Variants in BRINP2 observed in about 807,000 individuals in gnomAD.
BRINP2 encodes BMP/retinoic acid-inducible neural-specific protein 2.
Under a neutral mutation model 69.2 loss-of-function variants are expected in BRINP2, and 21 were observed. That is an observed-to-expected ratio of 0.30 (90% CI 0.22 to 0.44). The LOEUF (loss-of-function observed/expected upper bound fraction) is 0.44. Among genes scored for constraint, BRINP2 ranks in the 20% least tolerant of loss-of-function variants. The pLI is 1.00. For synonymous variants in BRINP2, 380 were observed against 394.1 expected, an observed-to-expected ratio of 0.96 and a Z score of 0.42; for missense variants, 877 against 986.0, an observed-to-expected ratio of 0.89 and a Z score of 1.48.
intron 6 of BRINP2, 151 bp from the exon 7 acceptor site, chr1:177,278,412 T>G: frequency 1.4e-6 from 1 of 720,524 alleles, no homozygotes; most frequent in Non-Finnish European, 2.4e-6. Flanking sequence ...AGGTGTTGAT[T>G]TTTTTAAAAA....
At chr1:177,205,493 G>A (rs1255871808) in intron 1 of BRINP2, among the ~76,000 whole-genome samples, 1 of 152,170 alleles carries the variant, frequency 6.6e-6, no homozygotes, top group Non-Finnish European at 1.5e-5. Flanking sequence ...CGCAAGTAAA[G>A]ATCAGCTTCA....
chr1:177,268,414 G>T (rs1221124882), intron 4 of BRINP2, among the ~76,000 whole-genome samples: 1 of 152,134 alleles, frequency 6.6e-6, no homozygotes. Context: ...GAGTTGGGAT[G>T]GGGTATTCTG....
chr1:177,201,548 G>C (rs1571894890), intron 1 of BRINP2, among the ~76,000 whole-genome samples: 1 of 152,050 alleles, frequency 6.6e-6, no homozygotes. Context: ...AAAATTTTTT[G>C]CTTGAAGAAT....
In BRINP2 at chr1:177,199,723, T is replaced by C. The variant is rs1213211143; in HGVS notation, c.-77+27991T>C. Among the ~76,000 whole-genome samples, 4 of 152,330 alleles carry C rather than the reference T, an allele frequency of 2.6e-5. No individual in the cohort carries two copies. In the East Asian group the frequency reaches 7.7e-4, roughly 29 times the overall value. ...TCAAGCACGTCCCAAGATTGTTTTG[T>C]TGATGTACAAAAGCAGGACAGGAAA... On this transcript the variant is annotated intron_variant, in intron 1 of 7. Transcript: ENST00000361539.
chr1:177,207,775 A>G (rs953697729), intron 1 of BRINP2, among the ~76,000 whole-genome samples: 1 of 152,114 alleles, frequency 6.6e-6, no homozygotes, highest in African/African-American at 2.4e-5. Flanking sequence ...GCTCCCTCAA[A>G]AAAGGCTGGT....
At chr1:177,209,777 G>T (rs1401435708) in intron 1 of BRINP2, among the ~76,000 whole-genome samples, 2 of 152,002 alleles carry the variant, frequency 1.3e-5, no homozygotes, top group African/African-American at 4.8e-5. Context: ...GAAAAAAAAT[G>T]GAGATAAAAG....
chr1:177,216,039 T>C (rs756712411), intron 1 of BRINP2, among the ~76,000 whole-genome samples: 2 of 152,094 alleles, frequency 1.3e-5, no homozygotes, highest in East Asian at 1.9e-4. Context: ...GTACAGCATA[T>C]ACTTGGACCT....
intron 2 of BRINP2, among the ~76,000 whole-genome samples, chr1:177,241,615 CAT>C (rs1329243602): frequency 1.3e-5 from 2 of 152,144 alleles, no homozygotes; most frequent in African/African-American, 4.8e-5. Flanking sequence ...TTTATTTTGA[CAT>C]AAGGTTTTCT....
chr1:177,216,692 A>G (rs2102314850), intron 1 of BRINP2, among the ~76,000 whole-genome samples: 1 of 151,546 alleles, frequency 6.6e-6, no homozygotes, highest in East Asian at 1.9e-4. Flanking sequence ...TGATAAACTT[A>G]TTTAACTTTT....
intron 2 of BRINP2, 114 bp from the exon 3 acceptor site, chr1:177,255,805 G>C: frequency 1.8e-6 from 2 of 1,098,372 alleles, no homozygotes. Context: ...GGGGATGTGG[G>C]CTGAGAGGAG....
At chr1:177,206,853 A>G (rs1571898134) in intron 1 of BRINP2, among the ~76,000 whole-genome samples, 1 of 152,224 alleles carries the variant, frequency 6.6e-6, no homozygotes, top group Non-Finnish European at 1.5e-5. Context: ...AAGTTAGTCC[A>G]TCTATCTAAG....
chr1:177,196,904 C>T (rs1008510412), intron 1 of BRINP2, among the ~76,000 whole-genome samples: 4 of 152,098 alleles, frequency 2.6e-5, no homozygotes, highest in Non-Finnish European at 1.5e-5. Context: ...GAAAAAAATC[C>T]TTCCATCCTG....
chr1:177,217,959 G>A (rs935402102), intron 1 of BRINP2, among the ~76,000 whole-genome samples: 3 of 152,174 alleles, frequency 2.0e-5, no homozygotes, highest in Admixed American at 6.5e-5. Context: ...TGCAGAAGAG[G>A]CCCCAAAGTT....
At chr1:177,239,823 G>A (rs1476149342) in intron 2 of BRINP2, among the ~76,000 whole-genome samples, 1 of 152,180 alleles carries the variant, frequency 6.6e-6, no homozygotes, top group African/African-American at 2.4e-5. Flanking sequence ...GATTAGGGCT[G>A]TTATATGTTT....
chr1:177,172,110 G>A (rs1647952106), intron 1 of BRINP2, among the ~76,000 whole-genome samples: 1 of 152,232 alleles, frequency 6.6e-6, no homozygotes, highest in Non-Finnish European at 1.5e-5. Context: ...CTGCCCAGCT[G>A]ACGCTGGGAG....
chr1:177,236,133 A>G (rs967634538), intron 2 of BRINP2, among the ~76,000 whole-genome samples: 1 of 152,196 alleles, frequency 6.6e-6, no homozygotes, highest in Non-Finnish European at 1.5e-5. Flanking sequence ...CAAAATGTTT[A>G]GAGGTTGCTT....
intron 1 of BRINP2, among the ~76,000 whole-genome samples, chr1:177,208,861 G>T (rs762316056): frequency 6.6e-6 from 1 of 152,150 alleles, no homozygotes; most frequent in Non-Finnish European, 1.5e-5. Flanking sequence ...CCACCTCAGG[G>T]TACTGTACTC....
chr1:177,205,093 C>T (rs771194501), intron 1 of BRINP2, among the ~76,000 whole-genome samples: 26 of 152,064 alleles, frequency 1.7e-4, no homozygotes, highest in Non-Finnish European at 3.4e-4. Context: ...TGTTTAGGAA[C>T]GTGTGGGGGA....
rs1228641598 is a variant in BRINP2, at chr1:177,280,858, C to T, written c.1682C>T (p.Pro561Leu). Residue 561 changes from proline to leucine, a missense_variant, in exon 8 of 8, where the codon CCT (proline) becomes CTT (leucine). Pro to Leu is a moderately conservative substitution (Grantham distance 98, BLOSUM62 -3). This residue lies in a region of BRINP2 where 86 missense variants were observed against 142.1 expected (regional missense o/e 0.61). Coordinates refer to ENST00000361539, the MANE Select transcript of BRINP2 (RefSeq NM_021165.4). The part of the protein sequence containing the change: ...LLTLKSNKYK[P>L]GLVHVMLALS... ...ACCCTGAAGAGCAACAAGTACAAGC[C>T]TGGGCTGGTGCACGTGATGTTGGCC... The T allele has an allele frequency of 6.2e-7, 1 of 1,614,130 alleles. No individual in the cohort carries two copies. The highest frequency in any genetic ancestry group is 1.1e-5 in the South Asian group (1 of 91,064).
Sources: gnomAD v4.1 joint callset for allele counts (sites outside exome capture counted in the v4.1 genomes callset) on GRCh38, gnomAD v4.1.1 for gene constraint, gnomAD v4.1.1 regional missense constraint, MANE v1.5 for transcripts, NCBI Gene and HGNC (gene_info 2026-07-23, HGNC 2026-07-21) for gene names.